SLC9C1: variants seen among roughly 807,000 people sequenced by gnomAD.
SLC9C1 encodes solute carrier family 9 member C1.
In SLC9C1, 97 loss-of-function variants were observed where a neutral mutation model predicts 140.9. That is an observed-to-expected ratio of 0.69 (90% confidence interval 0.58 to 0.82). SLC9C1 has a LOEUF of 0.82. Among genes scored for constraint, SLC9C1 ranks in the 40% least tolerant of loss-of-function variants. The pLI, the probability that SLC9C1 is intolerant of heterozygous loss-of-function variation, is 0.00. For synonymous variants in SLC9C1, 440 were observed against 442.6 expected (o/e 0.99, Z 0.07); for missense variants, 1,340 against 1,389.3 (o/e 0.96, Z 0.56).
Position 112,141,101 on chromosome 3 carries a change from A to G in SLC9C1, c.*171T>C, listed in dbSNP as rs1040428075. 13 of 510,022 alleles carry G rather than the reference A, an allele frequency of 2.5e-5. No homozygotes were observed. The highest frequency in any genetic ancestry group is 1.3e-4 in the Admixed American group (3 of 23,142). 31.6% of individuals were successfully genotyped at this position (510,022 alleles called of 1,614,324 possible). On this transcript the variant is annotated 3_prime_UTR_variant, in exon 29 of 29. Transcript: ENST00000305815. ...CAAGGAAATTTTGCAAAAAGTATAT[A>G]TGTTGAACTGCTGGTTTCAAGGTCC...
chr3:112,256,284 T>C (rs1459078877), intron 10 of SLC9C1, among the ~76,000 whole-genome samples: 1 of 152,000 alleles, frequency 6.6e-6, no homozygotes, highest in Non-Finnish European at 1.5e-5. Flanking sequence ...AAAAGAAAAC[T>C]TAAGGCCAAT....
chr3:112,164,435 G>A (rs562016131), intron 26 of SLC9C1, among the ~76,000 whole-genome samples: 2 of 138,046 alleles, frequency 1.4e-5, no homozygotes, highest in South Asian at 2.8e-4. Context: ...CATGTTTAGC[G>A]CTTCCTTCAG....
intron 20 of SLC9C1, among the ~76,000 whole-genome samples, chr3:112,188,196 G>A (rs1422478683): frequency 6.6e-6 from 1 of 152,038 alleles, no homozygotes; most frequent in Non-Finnish European, 1.5e-5. Context: ...TCCTACAGGT[G>A]TAATTGCTGG....
intron 23 of SLC9C1, among the ~76,000 whole-genome samples, chr3:112,175,045 C>G (rs2077310753): frequency 6.6e-6 from 1 of 152,158 alleles, no homozygotes; most frequent in Non-Finnish European, 1.5e-5. Flanking sequence ...GATAGCAACT[C>G]CCCTTCCCAA....
chr3:112,229,751 G>C (rs1468836968), intron 13 of SLC9C1, among the ~76,000 whole-genome samples: 1 of 151,980 alleles, frequency 6.6e-6, no homozygotes, highest in Non-Finnish European at 1.5e-5. Flanking sequence ...AAAAATTGGT[G>C]AGCAAGTACA....
intron 10 of SLC9C1, among the ~76,000 whole-genome samples, chr3:112,252,898 C>T (rs750016295): frequency 1.3e-5 from 2 of 152,048 alleles, no homozygotes; most frequent in African/African-American, 4.8e-5. Flanking sequence ...TGTGTTCAGG[C>T]TGGCAAAATG....
intron 20 of SLC9C1, among the ~76,000 whole-genome samples, chr3:112,184,982 C>G (rs914713842): frequency 6.6e-6 from 1 of 152,066 alleles, no homozygotes; most frequent in Non-Finnish European, 1.5e-5. Flanking sequence ...AAGAGATTCT[C>G]CCCCAGCCCA....
chr3:112,197,143 C>T (rs906706815), intron 20 of SLC9C1, among the ~76,000 whole-genome samples: 1 of 151,980 alleles, frequency 6.6e-6, no homozygotes, highest in Admixed American at 6.6e-5. Flanking sequence ...TTTTTCTGAG[C>T]CTGTGCCTTC....
At position 112,231,384 on chromosome 3, in the gene SLC9C1, T is replaced by G; in HGVS notation, c.1549A>C (p.Arg517=). 1.9e-6 allele frequency: 3 copies of G among 1,613,458 alleles called. No homozygotes were observed. In the South Asian group the frequency reaches 3.3e-5, roughly 18 times the overall value. The change falls in exon 13 of 29, where the codon AGG becomes CGG. Residue 517 remains arginine, a synonymous_variant. Transcript: ENST00000305815. ...FNTEAMELAN[R]RLLSAQIASY... is the part of the protein sequence containing the mutation. Reference sequence around the variant, plus strand: ...ACTATTTGTGCTGACAAGAGACGCCTGTTGGCCAGCTCCATTGCTTCAGTG... The same window carrying G: ...ACTATTTGTGCTGACAAGAGACGCCGGTTGGCCAGCTCCATTGCTTCAGTG...
intron 1 of SLC9C1, among the ~76,000 whole-genome samples, chr3:112,287,704 C>T (rs1322247820): frequency 6.6e-6 from 1 of 152,172 alleles, no homozygotes. Context: ...GGTAGCTTGA[C>T]ATTTTTTAGT....
intron 18 of SLC9C1, 102 bp downstream of exon 18, chr3:112,202,148 C>T: frequency 7.8e-7 from 1 of 1,275,056 alleles, no homozygotes; most frequent in Non-Finnish European, 1.1e-6. Context: ...AATTAGAAAA[C>T]CAGGAGTCAA....
intron 13 of SLC9C1, among the ~76,000 whole-genome samples, chr3:112,226,127 G>C (rs1175147815): frequency 1.3e-5 from 2 of 152,132 alleles, no homozygotes; most frequent in Non-Finnish European, 2.9e-5. Context: ...CTCCAGGATA[G>C]AGCATATGGT....
In SLC9C1 at chr3:112,250,365, A is replaced by G. The variant is rs890927070; in HGVS notation, c.1198-6289T>C. ...CTTTGCTATTGTGAATAGTGCCACA[A>G]TAAACATACCTGTGCATGTGTCTTT... is the stretch of plus-strand genomic sequence containing the variant. On this transcript the variant is annotated intron_variant, in intron 10 of 28. Coordinates refer to ENST00000305815, the MANE Select transcript of SLC9C1 (RefSeq NM_183061.3). Among the ~76,000 whole-genome samples the G allele has an allele frequency of 2.7e-5, 4 of 150,818 alleles. No homozygotes were observed. The East Asian group carries it at 5.8e-4, about 22-fold the overall frequency.
chr3:112,288,042 CAA>C (rs11462109), intron 1 of SLC9C1, among the ~76,000 whole-genome samples: 57 of 81,798 alleles, frequency 7.0e-4, no homozygotes, highest in South Asian at 1.5e-3. Flanking sequence ...GACTCCGTCT[CAA>C]AAAAAAAAAA....
At chr3:112,146,039 T>A (rs898353051) in intron 28 of SLC9C1, among the ~76,000 whole-genome samples, 6 of 152,184 alleles carry the variant, frequency 3.9e-5, no homozygotes, top group Admixed American at 2.0e-4. Flanking sequence ...GTCTCAAGTA[T>A]GTCTTTATCA....
chr3:112,164,155 C>T (rs2075392616), intron 26 of SLC9C1, among the ~76,000 whole-genome samples: 1 of 151,758 alleles, frequency 6.6e-6, no homozygotes, highest in Non-Finnish European at 1.5e-5. Flanking sequence ...TTATTTGGAG[C>T]CTATGTGTGT....
intron 1 of SLC9C1, among the ~76,000 whole-genome samples, chr3:112,292,856 A>G (rs57998879): frequency 0.67 from 102,117 of 151,628 alleles, 34,861 homozygotes; most frequent in East Asian, 1. Context: ...GGTTTTCAAT[A>G]TAATTAGAAC....
chr3:112,231,150 C>A (rs980398481), intron 13 of SLC9C1, among the ~76,000 whole-genome samples: 1 of 34,958 alleles, frequency 2.9e-5, no homozygotes, highest in African/African-American at 7.5e-5. Flanking sequence ...TTCTCCCTTT[C>A]TTTCTTTCTT....
At chr3:112,200,672 T>C (rs1335366564) in intron 19 of SLC9C1, 39 bp downstream of exon 19, 17 of 1,579,912 alleles carry the variant, frequency 1.1e-5, no homozygotes, top group Non-Finnish European at 1.3e-5. Flanking sequence ...GTGGTGATGA[T>C]AAGAGATGGT....
Sources: gnomAD v4.1 joint callset for allele counts (sites outside exome capture counted in the v4.1 genomes callset) on GRCh38, gnomAD v4.1.1 for gene constraint, MANE v1.5 for transcripts, NCBI Gene and HGNC (gene_info 2026-07-23, HGNC 2026-07-21) for gene names.